Variants in CDK19 observed in about 807,000 individuals in gnomAD.
CDK19 encodes cyclin dependent kinase 19, also known as cyclin-dependent kinase 19.
Under a neutral mutation model 68.3 loss-of-function variants are expected in CDK19, and 20 were observed. The ratio of observed to expected loss-of-function variants is 0.29; its 90% CI spans 0.21 to 0.43. The LOEUF (loss-of-function observed/expected upper bound fraction) is 0.43, where lower values mean the gene tolerates loss of function less well. CDK19 is among the 20% of genes least tolerant of loss of function. CDK19 has a pLI of 1.00. For synonymous variants in CDK19, 221 were observed against 222.8 expected, an observed-to-expected ratio of 0.99 and a Z score of 0.07; for missense variants, 339 against 623.5, an observed-to-expected ratio of 0.54 and a Z score of 4.86.
intron 2 of CDK19, among the ~76,000 whole-genome samples, chr6:110,701,222 A>T (rs766781629): frequency 2.0e-5 from 3 of 149,246 alleles, no homozygotes; most frequent in Non-Finnish European, 4.4e-5. Context: ...TTAATTAATT[A>T]ATTACCAGTT....
At chr6:110,730,009 A>G (rs187181675) in intron 2 of CDK19, among the ~76,000 whole-genome samples, 1 of 152,354 alleles carries the variant, frequency 6.6e-6, no homozygotes, top group East Asian at 1.9e-4. Flanking sequence ...AAGACTAAAT[A>G]GCTACATACC....
intron 4 of CDK19, among the ~76,000 whole-genome samples, chr6:110,653,356 T>G (rs1281075978): frequency 6.6e-6 from 1 of 152,076 alleles, no homozygotes; most frequent in Non-Finnish European, 1.5e-5. Flanking sequence ...AAGTATATGC[T>G]CTTTTTTAAA....
chr6:110,714,464 T>C (rs1043311038), intron 2 of CDK19, among the ~76,000 whole-genome samples: 1 of 152,204 alleles, frequency 6.6e-6, no homozygotes, highest in East Asian at 1.9e-4. Flanking sequence ...GGTAACTTTT[T>C]GAGGAACCAC....
intron 2 of CDK19, among the ~76,000 whole-genome samples, chr6:110,738,452 G>A (rs150020105): frequency 0.027 from 4,139 of 152,072 alleles, 83 homozygotes; most frequent in South Asian, 0.084. Context: ...CCTGGGAGGC[G>A]GAGGTTGCAG....
At chr6:110,795,908 CAGAACCCT>C (rs1781905530) in intron 1 of CDK19, among the ~76,000 whole-genome samples, 2 of 152,182 alleles carry the variant, frequency 1.3e-5, no homozygotes, top group South Asian at 4.1e-4. Context: ...AACTCATTCA[CAGAACCCT>C]TAGTATCTTA....
chr6:110,631,990 G>T, intron 6 of CDK19, 40 bp downstream of exon 6: 1 of 1,544,934 alleles, frequency 6.5e-7, no homozygotes, highest in Non-Finnish European at 8.8e-7. Context: ...ATTTATGATC[G>T]TTAGATGACA....
intron 1 of CDK19, among the ~76,000 whole-genome samples, chr6:110,792,499 T>C (rs1781669644): frequency 1.3e-5 from 2 of 152,040 alleles, no homozygotes; most frequent in Admixed American, 6.6e-5. Context: ...CCTCCGCCTC[T>C]CAGGTTCAAG....
intron 2 of CDK19, among the ~76,000 whole-genome samples, chr6:110,718,040 C>A (rs758090090): frequency 3.7e-4 from 56 of 152,116 alleles, no homozygotes; most frequent in Non-Finnish European, 6.3e-4. Flanking sequence ...CCACGTGAGG[C>A]CACCATAAAA....
intron 1 of CDK19, among the ~76,000 whole-genome samples, chr6:110,787,445 G>GT (rs1781305191): frequency 6.6e-6 from 1 of 151,424 alleles, no homozygotes; most frequent in African/African-American, 2.4e-5. Context: ...GTTTTGTTTT[G>GT]TTTTTTTGTT....
intron 2 of CDK19, among the ~76,000 whole-genome samples, chr6:110,707,821 A>T (rs1199868780): frequency 2.0e-5 from 3 of 151,850 alleles, no homozygotes; most frequent in African/African-American, 7.3e-5. Flanking sequence ...AAAATACAAA[A>T]ATTAGCTGGA....
chr6:110,622,768 G>T, intron 10 of CDK19, 47 bp downstream of exon 10: 2 of 1,200,820 alleles, frequency 1.7e-6, no homozygotes, highest in Non-Finnish European at 2.5e-6. Context: ...CCACCATGCA[G>T]CCTCCTCAGC....
intron 2 of CDK19, among the ~76,000 whole-genome samples, chr6:110,707,131 G>C (rs1774578272): frequency 6.6e-6 from 1 of 151,632 alleles, no homozygotes; most frequent in South Asian, 2.1e-4. Flanking sequence ...GCCAAACAAT[G>C]ACAATCTTTT....
At chr6:110,699,867 G>A (rs547508306) in intron 2 of CDK19, among the ~76,000 whole-genome samples, 4 of 152,250 alleles carry the variant, frequency 2.6e-5, no homozygotes, top group Admixed American at 6.5e-5. Flanking sequence ...GAAAGTAGAC[G>A]GCTAATTTGC....
chr6:110,652,609 T>C (rs572898959), intron 4 of CDK19, among the ~76,000 whole-genome samples: 23 of 152,196 alleles, frequency 1.5e-4, no homozygotes, highest in Non-Finnish European at 3.2e-4. Flanking sequence ...AATTGCTTCA[T>C]GTAAGAAATG....
intron 2 of CDK19, among the ~76,000 whole-genome samples, chr6:110,704,374 ACTTAC>A (rs1448026523): frequency 6.6e-5 from 10 of 152,008 alleles, no homozygotes; most frequent in African/African-American, 7.2e-5. Flanking sequence ...TATCTTTACT[ACTTAC>A]CTTACATTAT....
intron 1 of CDK19, among the ~76,000 whole-genome samples, chr6:110,793,338 T>C (rs1041109216): frequency 9.2e-5 from 14 of 152,192 alleles, no homozygotes; most frequent in Admixed American, 2.6e-4. Flanking sequence ...CTATTATAAA[T>C]ACCAAATTTC....
chr6:110,615,171 C>T (rs1203205521), intron 12 of CDK19, among the ~76,000 whole-genome samples: 4 of 152,022 alleles, frequency 2.6e-5, no homozygotes, highest in African/African-American at 7.3e-5. Flanking sequence ...GTTCTACCTA[C>T]GAGACAAAGT....
chr6:110,648,430 C>T (rs1474694534), intron 4 of CDK19, among the ~76,000 whole-genome samples: 1 of 150,838 alleles, frequency 6.6e-6, no homozygotes, highest in East Asian at 1.9e-4. Context: ...TATAATTTTT[C>T]AAAGGTAACA....
At chr6:110,748,677 C>T (rs1272732878) in intron 1 of CDK19, among the ~76,000 whole-genome samples, 2 of 152,294 alleles carry the variant, frequency 1.3e-5, no homozygotes, top group African/African-American at 4.8e-5. Flanking sequence ...TATGCCAACA[C>T]CTTAGTCTGA....
Sources: gnomAD v4.1 joint callset for allele counts (sites outside exome capture counted in the v4.1 genomes callset) on GRCh38, gnomAD v4.1.1 for gene constraint, MANE v1.5 for transcripts, NCBI Gene and HGNC (gene_info 2026-07-23, HGNC 2026-07-21) for gene names.